Variants in KBTBD3 observed in about 807,000 individuals in gnomAD.
KBTBD3 encodes the protein kelch repeat and BTB domain containing 3.
Under a neutral mutation model 49.6 loss-of-function variants are expected in KBTBD3, and 38 were observed. The observed-to-expected ratio is 0.77, with a 90% CI of 0.59 to 1.00. The LOEUF is 1.00. KBTBD3 is among the 50% of genes least tolerant of loss of function. KBTBD3 has a pLI of 0.00. For synonymous variants in KBTBD3, 214 were observed against 250.4 expected, an observed-to-expected ratio of 0.85 and a Z score of 1.37; for missense variants, 661 against 712.0, an observed-to-expected ratio of 0.93 and a Z score of 0.81.
chr11:106,067,566 G>A (rs532718102), intron 2 of KBTBD3, among the ~76,000 whole-genome samples: 4 of 151,156 alleles, frequency 2.6e-5, no homozygotes, highest in East Asian at 2.0e-4. Context: ...AGCCGAGATC[G>A]TGCCACTGCA....
intron 2 of KBTBD3, among the ~76,000 whole-genome samples, chr11:106,063,829 G>A (rs1860752063): frequency 6.6e-6 from 1 of 152,128 alleles, no homozygotes; most frequent in Admixed American, 6.5e-5. Flanking sequence ...TACTCGGGAG[G>A]CTAAGGCAGG....
At position 106,053,762 on chromosome 11, in the gene KBTBD3, T is replaced by C. The variant is rs773452807; in HGVS notation, c.927A>G (p.Gln309=). Residue 309 remains glutamine (Q), a synonymous_variant, in exon 4 of 4, where the codon CAA becomes CAG. Coordinates refer to ENST00000531837, the MANE Select transcript of KBTBD3 (RefSeq NM_198439.3). Reference sequence around the variant, plus strand: ...ATTTAATGTTATAGCAAAATGTATATTGATTTTCTCCATTTTCCTCAGTTT... The same window carrying C: ...ATTTAATGTTATAGCAAAATGTATACTGATTTTCTCCATTTTCCTCAGTTT... ...IHKTEENGEN[Q]YTFCYNIKSD... 22 of 1,613,666 alleles carry C rather than the reference T, an allele frequency of 1.4e-5. No homozygotes were observed. The East Asian group carries it at 4.0e-4, about 29-fold the overall frequency.
chr11:106,060,276 CCTATGTATATAA>C, intron 2 of KBTBD3, among the ~76,000 whole-genome samples: 1 of 151,244 alleles, frequency 6.6e-6, no homozygotes, highest in South Asian at 2.1e-4. Context: ...TATATACATA[CCTATGTATATAA>C]CTATATATAA....
chr11:106,054,368 G>T lies in KBTBD3; in HGVS notation c.321C>A (p.Leu107=). ...NLSSKAVKAF[L]DYAYTGKTKI... The stretch of plus-strand genomic sequence containing the variant: ...TTGTTTTTCCAGTATAGGCATAATC[G>T]AGAAATGCTTTTACTGCCTTGGAGG... Residue 107 remains leucine (L), a synonymous_variant, in exon 4 of 4, where the codon CTC becomes CTA. Transcript: ENST00000531837. The T allele has an allele frequency of 1.2e-6, 2 of 1,611,050 alleles. No individual in the cohort carries two copies. The highest frequency in any genetic ancestry group is 2.2e-5 in the South Asian group (2 of 90,544).
intron 2 of KBTBD3, among the ~76,000 whole-genome samples, chr11:106,068,121 G>GA (rs199712772): frequency 1.5e-3 from 221 of 145,326 alleles, no homozygotes; most frequent in East Asian, 4.1e-3. Context: ...TGATAAAACT[G>GA]AAAAAAAAAT....
In KBTBD3 at chr11:106,052,564, A is replaced by T. The variant is rs1591531767; in HGVS notation, c.*286T>A. On this transcript the variant is annotated 3_prime_UTR_variant, in exon 4 of 4. Coordinates refer to ENST00000531837, the MANE Select transcript of KBTBD3 (RefSeq NM_198439.3). The stretch of plus-strand genomic sequence containing the variant: ...TCTAAACAGTACAAATCTTTTATGG[A>T]CAGAGTACTTTAAAAATCAAAGTGT... 1 of 303,878 alleles carries T rather than the reference A, an allele frequency of 3.3e-6. No individual in the cohort carries two copies. The highest frequency in any genetic ancestry group is 2.2e-5 in the African/African-American group (1 of 45,644). The allele number at this position is 303,878 out of a possible 1,614,324, so 18.8% of individuals were successfully genotyped here. A position where few individuals can be genotyped will look rare whatever the true frequency, so the allele number is the denominator to read the frequency against.
rs1860434419 is a variant in KBTBD3, at chr11:106,052,311, T to C, written c.*539A>G. ...ATGCTTTTAATGAAAAAATGAGTCA[T>C]TAAAAAAAGTTAAACTATGTTTAGT... On this transcript the variant is annotated 3_prime_UTR_variant, in exon 4 of 4. Coordinates refer to ENST00000531837, the MANE Select transcript of KBTBD3 (RefSeq NM_198439.3). 6.6e-6 allele frequency: 1 copy of C among 151,910 alleles called. No individual in the cohort carries two copies. The highest frequency in any genetic ancestry group is 2.4e-5 in the African/African-American group (1 of 41,380). 9.4% of individuals were successfully genotyped at this position (151,910 alleles called of 1,614,324 possible).
intron 2 of KBTBD3, among the ~76,000 whole-genome samples, chr11:106,061,565 G>A (rs986819148): frequency 6.6e-6 from 1 of 152,114 alleles, no homozygotes; most frequent in Admixed American, 6.5e-5. Context: ...CCTCCCCACT[G>A]TAGATGTGCC....
rs1243553191 is a variant in KBTBD3, at chr11:106,052,525, A to G, written c.*325T>C. On this transcript the variant is annotated 3_prime_UTR_variant, in exon 4 of 4. Transcript: ENST00000531837. ...AGTGTAATTCATTTTTACTCTCTCT[A>G]GAGGTTTCTCCCATCTAAACAGTAC... 1 of 216,414 alleles carries G rather than the reference A, an allele frequency of 4.6e-6. No homozygotes were observed. Among genetic ancestry groups the G allele is most frequent in the African/African-American group, 2.3e-5 (1 of 42,938 alleles). The allele number at this position is 216,414 out of a possible 1,614,324, so 13.4% of individuals were successfully genotyped here. A position where few individuals can be genotyped will look rare whatever the true frequency, so the allele number is the denominator to read the frequency against.
rs918343603 is a variant in KBTBD3 at position 106,053,423 on chromosome 11, T to A, written c.1266A>T (p.Leu422Phe). The change falls in exon 4 of 4, where the codon TTA (leucine) becomes TTT (phenylalanine). Residue 422 changes from leucine to phenylalanine, a missense_variant. Coordinates refer to ENST00000531837, the MANE Select transcript of KBTBD3 (RefSeq NM_198439.3). ...AAAGAGGATTGTAAGATTCAACATC[T>A]AAGAGACTTTTAATGTCCCGGGATC... ...TRGSRDIKSL[L>F]DVESYNPLSK... The A allele has an allele frequency of 1.1e-5, 17 of 1,613,406 alleles. No individual in the cohort carries two copies. In the Admixed American group the frequency reaches 2.8e-4, roughly 27 times the overall value.
In KBTBD3 at chr11:106,051,517, G is replaced by C. The variant is rs992072831; in HGVS notation, c.*1333C>G. On this transcript the variant is annotated 3_prime_UTR_variant, in exon 4 of 4. Coordinates refer to ENST00000531837, the MANE Select transcript of KBTBD3 (RefSeq NM_198439.3). ...ACTTTTAAAGAATGTGCACATTTGA[G>C]AAAGATTAACATTTACAACTGAGTG... 6.6e-6 allele frequency: 1 copy of C among 151,884 alleles called. No individual in the cohort carries two copies. Among genetic ancestry groups the C allele is most frequent in the African/African-American group, 2.4e-5 (1 of 41,398 alleles). 9.4% of individuals were successfully genotyped at this position (151,884 alleles called of 1,614,324 possible).
At chr11:106,064,303 T>C (rs960042472) in intron 2 of KBTBD3, among the ~76,000 whole-genome samples, 2 of 151,880 alleles carry the variant, frequency 1.3e-5, no homozygotes, top group African/African-American at 4.8e-5. Context: ...CCCAGCACTT[T>C]AGGAGGCCGA....
Position 106,053,881 on chromosome 11 carries a change from T to C in KBTBD3, c.808A>G (p.Ile270Val). The change falls in exon 4 of 4, where the codon ATA (isoleucine) becomes GTA (valine). Residue 270 changes from isoleucine (I) to valine (V), a missense_variant. Ile to Val is a conservative substitution (Grantham distance 29, BLOSUM62 3). Coordinates refer to ENST00000531837, the MANE Select transcript of KBTBD3 (RefSeq NM_198439.3). ...SLLKSTNCFDIIMDAIKCVQG... is the reference protein window; with the variant it reads ...SLLKSTNCFDVIMDAIKCVQG... ...ACACACTTAATTGCATCCATGATTA[T>C]GTCAAAACAGTTTGTGCTTTTGAGT... is the stretch of plus-strand genomic sequence containing the variant. The C allele has an allele frequency of 6.2e-7, 1 of 1,614,042 alleles. No homozygotes were observed. The highest frequency in any genetic ancestry group is 1.1e-5 in the South Asian group (1 of 91,080).
chr11:106,058,797 G>A, intron 3 of KBTBD3, 68 bp downstream of exon 3: 2 of 851,228 alleles, frequency 2.3e-6, no homozygotes, highest in South Asian at 1.7e-5. Context: ...GGAAAAACTT[G>A]AGTGCAGTAT....
At chr11:106,071,002 G>A (rs1860906397) in intron 2 of KBTBD3, among the ~76,000 whole-genome samples, 1 of 152,090 alleles carries the variant, frequency 6.6e-6, no homozygotes, top group Admixed American at 6.6e-5. Flanking sequence ...TCTTTTACTA[G>A]AATTATGTAT....
chr11:106,058,252 C>T (rs1458967190), intron 3 of KBTBD3, among the ~76,000 whole-genome samples: 9 of 151,642 alleles, frequency 5.9e-5, no homozygotes, highest in Admixed American at 4.6e-4. Flanking sequence ...GGTGTGGTGG[C>T]GGGCACTAGT....
chr11:106,061,431 G>A (rs1233341313), intron 2 of KBTBD3, among the ~76,000 whole-genome samples: 2 of 152,300 alleles, frequency 1.3e-5, no homozygotes, highest in African/African-American at 4.8e-5. Flanking sequence ...GGTGTGATGA[G>A]TGACAATTTG....
chr11:106,058,276 G>C (rs1358923906), intron 3 of KBTBD3, among the ~76,000 whole-genome samples: 4 of 151,752 alleles, frequency 2.6e-5, no homozygotes, highest in Non-Finnish European at 4.4e-5. Context: ...AGCTACTTGG[G>C]AGGCTGAGGC....
chr11:106,052,800 G>T lies in KBTBD3; in HGVS notation c.*50C>A. 7.0e-7 allele frequency: 1 copy of T among 1,425,230 alleles called. No homozygotes were observed. The highest frequency in any genetic ancestry group is 1.3e-5 in the South Asian group (1 of 75,930). 88.3% of individuals were successfully genotyped at this position (1,425,230 alleles called of 1,614,324 possible). Reference sequence around the variant, plus strand: ...TATAGATCTTTTTACCTATCATTTTGGTTAACAAATTTACTTTAGGTTACT... The same window carrying T: ...TATAGATCTTTTTACCTATCATTTTTGTTAACAAATTTACTTTAGGTTACT... On this transcript the variant is annotated 3_prime_UTR_variant, in exon 4 of 4. Coordinates refer to ENST00000531837, the MANE Select transcript of KBTBD3 (RefSeq NM_198439.3).
Sources: gnomAD v4.1 joint callset for allele counts (sites outside exome capture counted in the v4.1 genomes callset) on GRCh38, gnomAD v4.1.1 for gene constraint, MANE v1.5 for transcripts, NCBI Gene and HGNC (gene_info 2026-07-23, HGNC 2026-07-21) for gene names.